Variants in CCDC30 observed in about 807,000 individuals in gnomAD.
CCDC30 encodes coiled-coil domain containing 30.
Under a neutral mutation model 100.2 loss-of-function variants are expected in CCDC30, and 70 were observed. The ratio of observed to expected loss-of-function variants is 0.70; its 90% CI spans 0.58 to 0.85. The LOEUF is 0.85. Ranked by LOEUF, CCDC30 falls within the 40% of genes least tolerant of loss-of-function variation. CCDC30 has a pLI of 0.00. For missense variants in CCDC30, 652 were observed against 771.2 expected, an observed-to-expected ratio of 0.85 and a Z score of 1.83; for synonymous variants, 233 against 269.5, an observed-to-expected ratio of 0.86 and a Z score of 1.33.
At chr1:42,530,145 T>G (rs554753614) in intron 6 of CCDC30, among the ~76,000 whole-genome samples, 1 of 152,316 alleles carries the variant, frequency 6.6e-6, no homozygotes, top group South Asian at 2.1e-4. Context: ...CAGATGACTC[T>G]ACTTTTCAAG....
intron 3 of CCDC30, among the ~76,000 whole-genome samples, chr1:42,483,733 A>T (rs904125373): frequency 6.6e-6 from 1 of 152,030 alleles, no homozygotes; most frequent in African/African-American, 2.4e-5. Flanking sequence ...GGAGTTCTTT[A>T]TATATTGTGG....
chr1:42,611,066 T>C, exon 11 of CCDC30: 1 of 1,604,956 alleles, frequency 6.2e-7, no homozygotes, highest in Non-Finnish European at 8.5e-7. Flanking sequence ...TTGCGATTAT[T>C]GAAGCTGCTT....
At chr1:42,646,198 A>G (rs749863765) in exon 15 of CCDC30, 1 of 1,591,328 alleles carries the variant, frequency 6.3e-7, no homozygotes, top group Admixed American at 1.8e-5. Context: ...TCTCCCTCCA[A>G]CAAAGAAACA....
At chr1:42,459,613 A>C, upstream of CCDC30, 1 of 1,613,220 alleles carries the variant, frequency 6.2e-7, no homozygotes, top group East Asian at 2.2e-5. Context: ...ATAACAATGA[A>C]GATGGTGCCA....
rs546162384 is a variant in CCDC30, at chr1:42,613,421, A to AT, written c.1277+2340dup. ...AGGCGCCCACTGCCACGCCCGGCTT[A>AT]TTTTTTTTTGTATTTTTAGTAGAGA... On this transcript the variant is annotated intron_variant, in intron 11 of 16. Transcript: ENST00000668663. 3.6e-3 allele frequency among the ~76,000 whole-genome samples: 538 copies of AT among 150,612 alleles called. 1 individual carries two copies. The highest frequency in any genetic ancestry group is 5.9e-3 in the Admixed American group (89 of 15,122).
chr1:42,654,160 A>G (rs1400823963), exon 17 of CCDC30: 3 of 657,556 alleles, frequency 4.6e-6, no homozygotes, highest in South Asian at 2.0e-5. Flanking sequence ...AAAACTGCTG[A>G]TAAATTCATT....
At chr1:42,578,617 G>A (rs1645893447) in intron 8 of CCDC30, among the ~76,000 whole-genome samples, 1 of 152,118 alleles carries the variant, frequency 6.6e-6, no homozygotes, top group African/African-American at 2.4e-5. Flanking sequence ...AGGATTTGGT[G>A]CAACAAGAAC....
At chr1:42,546,896 A>T (rs1645155948) in intron 6 of CCDC30, among the ~76,000 whole-genome samples, 1 of 152,190 alleles carries the variant, frequency 6.6e-6, no homozygotes, top group Non-Finnish European at 1.5e-5. Flanking sequence ...CTAAATAATC[A>T]AAAGGAAACA....
At chr1:42,567,185 G>A (rs1645623127) in intron 7 of CCDC30, among the ~76,000 whole-genome samples, 1 of 87,780 alleles carries the variant, frequency 1.1e-5, no homozygotes, top group Non-Finnish European at 2.3e-5. Flanking sequence ...CATGGTGCAG[G>A]GGTCAGCAAA....
intron 6 of CCDC30, among the ~76,000 whole-genome samples, chr1:42,526,973 G>GT (rs908824457): frequency 6.6e-6 from 1 of 151,818 alleles, no homozygotes; most frequent in Non-Finnish European, 1.5e-5. Flanking sequence ...TTTTGTTTTT[G>GT]TTTTTTTGCG....
At chr1:42,480,521 T>C in exon 2 of CCDC30, 1 of 662,854 alleles carries the variant, frequency 1.5e-6, no homozygotes, top group Non-Finnish European at 1.9e-6. Context: ...CCTCCTGGGC[T>C]CAAGTAATCC....
intron 6 of CCDC30, among the ~76,000 whole-genome samples, chr1:42,533,075 C>A (rs1327960829): frequency 6.6e-6 from 1 of 152,138 alleles, no homozygotes; most frequent in East Asian, 1.9e-4. Context: ...TTAGTTTTGA[C>A]GTAAATCTTG....
chr1:42,506,263 T>G (rs1644393319), intron 6 of CCDC30, among the ~76,000 whole-genome samples: 1 of 152,240 alleles, frequency 6.6e-6, no homozygotes, highest in Non-Finnish European at 1.5e-5. Flanking sequence ...TGTTTGATAT[T>G]CATGAACATT....
At chr1:42,633,370 G>A (rs1647078631) in intron 11 of CCDC30, among the ~76,000 whole-genome samples, 2 of 152,034 alleles carry the variant, frequency 1.3e-5, no homozygotes, top group Admixed American at 1.3e-4. Context: ...GCCATTGGTG[G>A]TTCAACTCAA....
At chr1:42,621,808 G>A (rs1646841440) in intron 11 of CCDC30, among the ~76,000 whole-genome samples, 1 of 151,690 alleles carries the variant, frequency 6.6e-6, no homozygotes, top group Admixed American at 6.6e-5. Context: ...ACCGCGCCCG[G>A]CCTAATTTTG....
intron 1 of CCDC30, among the ~76,000 whole-genome samples, chr1:42,466,557 GTT>G (rs59732163): frequency 2.8e-5 from 4 of 145,274 alleles, no homozygotes; most frequent in Admixed American, 1.4e-4. Flanking sequence ...GTTTTGTTTT[GTT>G]TTTTTTTTTT....
intron 11 of CCDC30, among the ~76,000 whole-genome samples, chr1:42,613,323 C>T (rs1646661050): frequency 1.3e-5 from 2 of 152,142 alleles, no homozygotes; most frequent in Non-Finnish European, 2.9e-5. Flanking sequence ...GGCACGATCT[C>T]GGCTCACTGC....
At chr1:42,515,458 G>C (rs1644540948) in intron 6 of CCDC30, among the ~76,000 whole-genome samples, 1 of 152,178 alleles carries the variant, frequency 6.6e-6, no homozygotes, top group African/African-American at 2.4e-5. Flanking sequence ...GAGCCCTCAT[G>C]AATGGCATTA....
intron 11 of CCDC30, among the ~76,000 whole-genome samples, chr1:42,618,135 G>A (rs1193771931): frequency 1.3e-5 from 2 of 151,632 alleles, no homozygotes; most frequent in African/African-American, 4.8e-5. Context: ...CAGAGCAACT[G>A]TGAACAGCTG....
Sources: gnomAD v4.1 joint callset for allele counts (sites outside exome capture counted in the v4.1 genomes callset) on GRCh38, gnomAD v4.1.1 for gene constraint, MANE v1.5 for transcripts, NCBI Gene and HGNC (gene_info 2026-07-23, HGNC 2026-07-21) for gene names.